C2orf76: variants seen among roughly 807,000 people sequenced by gnomAD.
C2orf76 encodes the protein UPF0538 protein C2orf76.
Under a neutral mutation model 16.9 loss-of-function variants are expected in C2orf76, and 23 were observed. The observed-to-expected ratio is 1.36, with a 90% CI of 0.98 to 1.93. The LOEUF is 1.93. Among genes scored for constraint, C2orf76 ranks in the 30% most tolerant of loss-of-function variants. The pLI is 0.00. For missense variants in C2orf76, 152 were observed against 152.6 expected, an observed-to-expected ratio of 1.00 and a Z score of 0.02; for synonymous variants, 48 against 52.3, an observed-to-expected ratio of 0.92 and a Z score of 0.35.
chr2:119,326,598 GAA>G (rs35908652), intron 2 of C2orf76, among the ~76,000 whole-genome samples: 1 of 149,992 alleles, frequency 6.7e-6, no homozygotes, highest in African/African-American at 2.4e-5. Flanking sequence ...TATCTGAAAG[GAA>G]AAAAAAAAGC....
At chr2:119,294,969 G>C in the C2orf76 span, among the ~76,000 whole-genome samples, 47,492 of 151,898 alleles carry the variant, frequency 0.31, 7,848 homozygotes, top group Non-Finnish European at 0.38. Context: ...GATCAGTGAA[G>C]GTGGGGGTTG....
At chr2:119,367,010 C>A (rs1385689642), upstream of C2orf76, 1 of 1,613,482 alleles carries the variant, frequency 6.2e-7, no homozygotes, top group Admixed American at 1.7e-5. Flanking sequence ...CTGGTCCTCG[C>A]CTCCTCCGCT....
intron 1 of C2orf76, among the ~76,000 whole-genome samples, chr2:119,356,219 A>G (rs1225016486): frequency 6.6e-5 from 10 of 152,102 alleles, no homozygotes; most frequent in Non-Finnish European, 1.2e-4. Flanking sequence ...ACTAGCCAAC[A>G]TGATGAAACC....
intron 2 of C2orf76, among the ~76,000 whole-genome samples, chr2:119,336,334 T>C (rs1679845256): frequency 6.6e-6 from 1 of 152,072 alleles, no homozygotes; most frequent in African/African-American, 2.4e-5. Context: ...CAGAGGTTGT[T>C]AGCCGAGACC....
chr2:119,325,061 T>C (rs72829481), intron 2 of C2orf76, among the ~76,000 whole-genome samples: 1 of 149,880 alleles, frequency 6.7e-6, no homozygotes, highest in Non-Finnish European at 1.5e-5. Context: ...GGTGGCCGAG[T>C]GCAGGGGCTC....
chr2:119,323,269 C>A (rs1004271934), intron 2 of C2orf76, among the ~76,000 whole-genome samples: 1 of 151,856 alleles, frequency 6.6e-6, no homozygotes, highest in Non-Finnish European at 1.5e-5. Context: ...AATCCTCTCA[C>A]CTCGCCCCGA....
chr2:119,291,979 T>A, the C2orf76 span, among the ~76,000 whole-genome samples: 2 of 152,042 alleles, frequency 1.3e-5, no homozygotes, highest in East Asian at 3.9e-4. Flanking sequence ...AGGTCACACC[T>A]CCAAGCTAGC....
the C2orf76 span, among the ~76,000 whole-genome samples, chr2:119,287,547 ACATTTT>A: frequency 6.6e-6 from 1 of 152,016 alleles, no homozygotes; most frequent in Admixed American, 6.6e-5. Flanking sequence ...CATCACATAT[ACATTTT>A]TAAGATGGGA....
At chr2:119,323,674 G>A (rs529645579) in intron 2 of C2orf76, among the ~76,000 whole-genome samples, 3 of 152,208 alleles carry the variant, frequency 2.0e-5, no homozygotes, top group Non-Finnish European at 2.9e-5. Context: ...GAGATGATTC[G>A]TACTCAAATT....
intron 1 of C2orf76, among the ~76,000 whole-genome samples, chr2:119,362,442 C>T (rs935120366): frequency 6.6e-6 from 1 of 152,142 alleles, no homozygotes; most frequent in Non-Finnish European, 1.5e-5. Context: ...GAAAATTCAC[C>T]TCTAACAATC....
At chr2:119,332,034 A>C (rs904858101) in intron 2 of C2orf76, among the ~76,000 whole-genome samples, 1 of 152,214 alleles carries the variant, frequency 6.6e-6, no homozygotes, top group Non-Finnish European at 1.5e-5. Flanking sequence ...AATCAGTGGA[A>C]AAATTTAGGC....
At chr2:119,325,823 TATTA>T (rs149695757) in intron 2 of C2orf76, among the ~76,000 whole-genome samples, 3,340 of 152,312 alleles carry the variant, frequency 0.022, 116 homozygotes, top group African/African-American at 0.075. Context: ...TAATGATGAG[TATTA>T]ATTAATGTGC....
At chr2:119,331,236 T>G in intron 2 of C2orf76, among the ~76,000 whole-genome samples, 1 of 152,208 alleles carries the variant, frequency 6.6e-6, no homozygotes, top group East Asian at 1.9e-4. Flanking sequence ...CTGAACTTTG[T>G]TAGGTGGGAC....
the C2orf76 span, among the ~76,000 whole-genome samples, chr2:119,296,613 C>T: frequency 6.6e-6 from 1 of 152,314 alleles, no homozygotes; most frequent in Non-Finnish European, 1.5e-5. Context: ...TCAGGCCAGG[C>T]CAGTTCTCTG....
intron 2 of C2orf76, among the ~76,000 whole-genome samples, chr2:119,324,533 A>G (rs1296401578): frequency 6.6e-6 from 1 of 152,200 alleles, no homozygotes; most frequent in Admixed American, 6.5e-5. Context: ...GAGGGCAGGG[A>G]CCACAGCCTG....
chr2:119,286,274 TC>T, the C2orf76 span, among the ~76,000 whole-genome samples: 3,997 of 144,796 alleles, frequency 0.028, 173 homozygotes, highest in African/African-American at 0.097. Context: ...TGATCAGTGC[TC>T]CAGAGGACTG....
the C2orf76 span, among the ~76,000 whole-genome samples, chr2:119,290,703 G>C: frequency 5.9e-5 from 9 of 152,092 alleles, no homozygotes; most frequent in South Asian, 1.7e-3. Flanking sequence ...GGCATTGCAC[G>C]CTTGTAATCC....
chr2:119,291,562 G>A, the C2orf76 span, among the ~76,000 whole-genome samples: 3 of 152,036 alleles, frequency 2.0e-5, no homozygotes, highest in South Asian at 4.2e-4. Flanking sequence ...AAGGCACCTC[G>A]GGAAATGAAA....
At chr2:119,342,624 AG>A (rs1275159397) in intron 1 of C2orf76, among the ~76,000 whole-genome samples, 1 of 151,970 alleles carries the variant, frequency 6.6e-6, no homozygotes, top group Admixed American at 6.6e-5. Flanking sequence ...AAAACAAAAA[AG>A]AAAAAAAAAA....
Sources: allele counts gnomAD v4.1 joint callset (sites outside exome capture counted in the v4.1 genomes callset), GRCh38; gene constraint gnomAD v4.1.1; transcripts MANE v1.5; gene names NCBI Gene and HGNC (gene_info 2026-07-23, HGNC 2026-07-21).